PDE11A: variants seen among roughly 807,000 people sequenced by gnomAD.
PDE11A encodes phosphodiesterase 11A, also known as dual 3',5'-cyclic-AMP and -GMP phosphodiesterase 11A.
PDE11A carries 100 observed loss-of-function variants against 100.5 expected under a neutral mutation model. The ratio of observed to expected loss-of-function variants is 1.00; its 90% CI spans 0.85 to 1.18. The LOEUF (loss-of-function observed/expected upper bound fraction) is 1.18, where lower values mean the gene tolerates loss of function less well. PDE11A is among the 50% of genes most tolerant of loss of function. The pLI is 0.00. For missense variants in PDE11A, 1,141 were observed against 1,152.6 expected, an observed-to-expected ratio of 0.99 and a Z score of 0.15; for synonymous variants, 381 against 420.8, an observed-to-expected ratio of 0.91 and a Z score of 1.16.
At chr2:178,019,158 T>A (rs1445304212) in intron 1 of PDE11A, among the ~76,000 whole-genome samples, 1 of 152,206 alleles carries the variant, frequency 6.6e-6, no homozygotes, top group East Asian at 1.9e-4. Context: ...TCCCCCTCTG[T>A]TCAGTTGATA....
chr2:177,911,162 G>C (rs1389374257), intron 2 of PDE11A, among the ~76,000 whole-genome samples: 1 of 152,184 alleles, frequency 6.6e-6, no homozygotes, highest in African/African-American at 2.4e-5. Context: ...ATTTGGAACT[G>C]GGGATGTTTT....
intron 1 of PDE11A, among the ~76,000 whole-genome samples, chr2:178,057,238 A>G (rs1238144284): frequency 1.3e-5 from 2 of 152,216 alleles, no homozygotes; most frequent in Non-Finnish European, 2.9e-5. Context: ...AGTAGTTTCT[A>G]GGGTAATGGT....
intron 4 of PDE11A, among the ~76,000 whole-genome samples, chr2:177,891,401 C>T (rs1348125597): frequency 6.6e-6 from 1 of 152,162 alleles, no homozygotes; most frequent in South Asian, 2.1e-4. Context: ...CATACTCACA[C>T]TGGTTATTAT....
At chr2:177,654,971 C>A (rs2080360412) in intron 19 of PDE11A, among the ~76,000 whole-genome samples, 1 of 152,128 alleles carries the variant, frequency 6.6e-6, no homozygotes, top group African/African-American at 2.4e-5. Context: ...GGGAAGAGAA[C>A]ATTCCAAGCC....
At chr2:177,670,014 A>C (rs559725063) in intron 17 of PDE11A, among the ~76,000 whole-genome samples, 1 of 152,282 alleles carries the variant, frequency 6.6e-6, no homozygotes, top group Non-Finnish European at 1.5e-5. Flanking sequence ...CCCAGCTTCA[A>C]TTTGCCACAT....
intron 2 of PDE11A, among the ~76,000 whole-genome samples, chr2:177,994,017 C>G (rs904604883): frequency 6.7e-6 from 1 of 149,898 alleles, no homozygotes; most frequent in Non-Finnish European, 1.5e-5. Context: ...CTCACTGCAA[C>G]CTCCCCCTCC....
chr2:177,853,680 A>G (rs7605985), intron 5 of PDE11A, among the ~76,000 whole-genome samples: 374 of 36,208 alleles, frequency 0.01, 2 homozygotes, highest in African/African-American at 0.021. Flanking sequence ...ATATATATAT[A>G]TGTGTGTGTG....
chr2:177,986,396 A>G (rs536560420), intron 2 of PDE11A, among the ~76,000 whole-genome samples: 4 of 152,306 alleles, frequency 2.6e-5, no homozygotes, highest in East Asian at 3.9e-4. Flanking sequence ...TCTACCCACT[A>G]TGAACATGTT....
chr2:177,920,890 G>C (rs1312565812), intron 2 of PDE11A, among the ~76,000 whole-genome samples: 3 of 151,970 alleles, frequency 2.0e-5, no homozygotes, highest in African/African-American at 7.2e-5. Flanking sequence ...GTGAAACCCT[G>C]TCTCTACTAA....
intron 2 of PDE11A, among the ~76,000 whole-genome samples, chr2:178,098,941 A>G (rs1029262904): frequency 7.2e-5 from 11 of 152,200 alleles, no homozygotes; most frequent in Non-Finnish European, 1.6e-4. Context: ...AAGGCCCAAG[A>G]AAACCAGGGT....
At chr2:178,029,201 T>C (rs1447625781) in intron 1 of PDE11A, among the ~76,000 whole-genome samples, 3 of 152,192 alleles carry the variant, frequency 2.0e-5, no homozygotes, top group Non-Finnish European at 2.9e-5. Context: ...ATGATTGACA[T>C]GAAAAGTTTA....
chr2:177,859,006 A>G (rs35517342), intron 5 of PDE11A, among the ~76,000 whole-genome samples: 1 of 152,086 alleles, frequency 6.6e-6, no homozygotes, highest in African/African-American at 2.4e-5. Flanking sequence ...ACAAAAAACC[A>G]AACACCGCAT....
chr2:177,967,282 C>T (rs1206484096), intron 2 of PDE11A, among the ~76,000 whole-genome samples: 3 of 149,626 alleles, frequency 2.0e-5, no homozygotes, highest in South Asian at 2.1e-4. Flanking sequence ...CTGCAACCTT[C>T]GCCTCCTGGG....
rs375063941 is a variant in PDE11A, at chr2:177,835,669, G to A, written c.1500+4582C>T. On this transcript the variant is annotated intron_variant, in intron 6 of 19. Transcript: ENST00000286063. ...GCTCCCTCTGCTTGTGGGGAGGTGTGGAGGGAGAGGTGCAAGCGGGAACTG... is the reference window on the plus strand; with the variant it reads ...GCTCCCTCTGCTTGTGGGGAGGTGTAGAGGGAGAGGTGCAAGCGGGAACTG... 4.3e-4 allele frequency among the ~76,000 whole-genome samples: 65 copies of A among 152,264 alleles called. 2 individuals carry two copies. The East Asian group carries it at 8.0e-3, about 19-fold the overall frequency.
At position 177,727,650 on chromosome 2, in the gene PDE11A, A is replaced by G. The variant is rs370640572; in HGVS notation, c.2043+8T>C. On this transcript the variant is annotated splice_region_variant and intron_variant, in intron 12 of 19. Coordinates refer to ENST00000286063, the MANE Select transcript of PDE11A (RefSeq NM_016953.4). ...AAATGATCTTCCACCATCACTAAGC[A>G]CACTTACGGTTAACATCGCGAACAT... 2 of 1,489,388 alleles carry G rather than the reference A, an allele frequency of 1.3e-6. No individual in the cohort carries two copies. The highest frequency in any genetic ancestry group is 9.4e-7 in the Non-Finnish European group (1 of 1,066,372). The allele number at this position is 1,489,388 out of a possible 1,614,324, so 92.3% of individuals were successfully genotyped here. A position where few individuals can be genotyped will look rare whatever the true frequency, so the allele number is the denominator to read the frequency against.
rs547265893 is a variant in PDE11A at position 177,627,104 on chromosome 2, A to G, written c.*2303T>C. 8.8e-6 allele frequency: 1 copy of G among 114,166 alleles called. No individual in the cohort carries two copies. The highest frequency in any genetic ancestry group is 1.7e-5 in the Non-Finnish European group (1 of 58,408). The allele number at this position is 114,166 out of a possible 1,614,324, so 7.1% of individuals were successfully genotyped here. On this transcript the variant is annotated 3_prime_UTR_variant, in exon 20 of 20. Transcript: ENST00000286063. ...GCTGGAGGGCAGTGACGTGATCTCGACTCACTGCAAGCTCCGCCTCGCGGG... is the reference window on the plus strand; with the variant it reads ...GCTGGAGGGCAGTGACGTGATCTCGGCTCACTGCAAGCTCCGCCTCGCGGG...
intron 2 of PDE11A, among the ~76,000 whole-genome samples, chr2:178,100,503 T>C (rs1232137882): frequency 6.6e-6 from 1 of 152,204 alleles, no homozygotes; most frequent in Non-Finnish European, 1.5e-5. Context: ...TTGAAGTCTG[T>C]TTTTAGCCAA....
chr2:177,780,508 G>T (rs2082439475), intron 9 of PDE11A, among the ~76,000 whole-genome samples: 1 of 152,192 alleles, frequency 6.6e-6, no homozygotes, highest in African/African-American at 2.4e-5. Context: ...GTGCTTTGAA[G>T]ACATTGACTT....
chr2:177,944,926 C>G (rs1207822147), intron 2 of PDE11A, among the ~76,000 whole-genome samples: 1 of 150,434 alleles, frequency 6.6e-6, no homozygotes, highest in African/African-American at 2.4e-5. Flanking sequence ...ACTGCAACCT[C>G]CCTGCCTGAT....
Sources: allele counts gnomAD v4.1 joint callset (sites outside exome capture counted in the v4.1 genomes callset), GRCh38; gene constraint gnomAD v4.1.1; transcripts MANE v1.5; gene names NCBI Gene and HGNC (gene_info 2026-07-23, HGNC 2026-07-21).